Variants in LPP observed in about 807,000 individuals in gnomAD.
LPP encodes the protein lipoma-preferred partner.
LPP carries 38 observed loss-of-function variants against 60.4 expected under a neutral mutation model. The observed-to-expected ratio is 0.63, with a 90% CI of 0.49 to 0.83. LPP has a LOEUF of 0.83. LPP is among the 40% of genes least tolerant of loss of function. The probability of loss-of-function intolerance (pLI) is 0.00; values close to 1 mark genes in which losing one functional copy is unlikely to be tolerated. For missense variants in LPP, 902 were observed against 783.6 expected (o/e 1.15, Z -1.80); for synonymous variants, 328 against 290.8 (o/e 1.13, Z -1.30).
In LPP at chr3:188,882,542, A is replaced by G; in HGVS notation, c.*8063A>G. 4.5e-6 allele frequency: 1 copy of G among 223,264 alleles called. No individual in the cohort carries two copies. Among genetic ancestry groups the G allele is most frequent in the Non-Finnish European group, 8.9e-6 (1 of 111,856 alleles). The allele number at this position is 223,264 out of a possible 1,614,324, so 13.8% of individuals were successfully genotyped here. A position where few individuals can be genotyped will look rare whatever the true frequency, so the allele number is the denominator to read the frequency against. On this transcript the variant is annotated 3_prime_UTR_variant, in exon 12 of 12. Transcript: ENST00000617246. ...CCTCCATGAACTTTATTATCACAGA[A>G]TATGAGCATTCTTATTGATCCACAG...
At chr3:188,356,283 G>A (rs1210090025) in intron 3 of LPP, among the ~76,000 whole-genome samples, 2 of 152,084 alleles carry the variant, frequency 1.3e-5, no homozygotes, top group Non-Finnish European at 2.9e-5. Context: ...AGTTTCTTTC[G>A]GGAGGATTTT....
chr3:188,528,754 C>G (rs1022694888), intron 6 of LPP, among the ~76,000 whole-genome samples: 1 of 152,190 alleles, frequency 6.6e-6, no homozygotes, highest in African/African-American at 2.4e-5. Context: ...GTGAGCACAA[C>G]TGGACTTTGA....
chr3:188,387,618 G>C (rs182374101), intron 3 of LPP, among the ~76,000 whole-genome samples: 9 of 149,802 alleles, frequency 6.0e-5, no homozygotes, highest in Non-Finnish European at 1.5e-5. Flanking sequence ...CCATGCTGGA[G>C]TGCAGTGGCA....
At chr3:188,449,286 A>T (rs1336069878) in intron 4 of LPP, among the ~76,000 whole-genome samples, 1 of 152,000 alleles carries the variant, frequency 6.6e-6, no homozygotes, top group East Asian at 1.9e-4. Flanking sequence ...TTTTTGATTG[A>T]CTTTCTTTTT....
At chr3:188,281,678 G>A (rs1422477606) in intron 2 of LPP, among the ~76,000 whole-genome samples, 1 of 148,096 alleles carries the variant, frequency 6.8e-6, no homozygotes, top group Non-Finnish European at 1.5e-5. Context: ...GAAAATTTGT[G>A]ACCATTTTTG....
chr3:188,522,349 GCA>G (rs1207971937), intron 5 of LPP, among the ~76,000 whole-genome samples: 1 of 152,130 alleles, frequency 6.6e-6, no homozygotes, highest in East Asian at 1.9e-4. Context: ...GCGTGTGTGT[GCA>G]CACACAGATG....
intron 5 of LPP, among the ~76,000 whole-genome samples, chr3:188,490,794 G>C (rs577408188): frequency 3.8e-5 from 4 of 105,598 alleles, no homozygotes; most frequent in African/African-American, 1.5e-4. Context: ...TCGCTCTGTT[G>C]TCCAGGCTGG....
chr3:188,495,082 A>ATATATATATATATATATATATATATTTT, intron 5 of LPP, among the ~76,000 whole-genome samples: 1 of 97,270 alleles, frequency 1.0e-5, no homozygotes, highest in Non-Finnish European at 2.0e-5. Flanking sequence ...ATATATATAT[A>ATATATATATATATATATATATATATTTT]TTTTATTTAT....
intron 7 of LPP, among the ~76,000 whole-genome samples, chr3:188,679,584 C>T (rs147116925): frequency 2.0e-5 from 3 of 149,892 alleles, no homozygotes; most frequent in Non-Finnish European, 4.4e-5. Flanking sequence ...TGTTTAGTTG[C>T]TGTTGAAAAT....
chr3:188,566,498 C>G (rs962650691), intron 6 of LPP, among the ~76,000 whole-genome samples: 2 of 151,832 alleles, frequency 1.3e-5, no homozygotes, highest in African/African-American at 2.4e-5. Context: ...CCTAAGGACT[C>G]TATTCGATGA....
chr3:188,885,279 T>G lies in LPP; in HGVS notation c.*10800T>G, dbSNP rs1040119925. 1.0e-5 allele frequency: 2 copies of G among 199,148 alleles called. No individual in the cohort carries two copies. The highest frequency in any genetic ancestry group is 4.6e-5 in the African/African-American group (2 of 43,414). The allele number at this position is 199,148 out of a possible 1,614,324, so 12.3% of individuals were successfully genotyped here. On this transcript the variant is annotated 3_prime_UTR_variant, in exon 12 of 12. Coordinates refer to ENST00000617246, the MANE Select transcript of LPP (RefSeq NM_001375462.1). ...AAATAATCACACCTGATAAGTGTTT[T>G]ATGCATTTCCCTCCCTGGAGTGTTA...
rs1272876540 is a variant in LPP at position 188,352,624 on chromosome 3, T to C, written c.-10+10905T>C. 6.6e-6 allele frequency among the ~76,000 whole-genome samples: 1 copy of C among 152,208 alleles called. No homozygotes were observed. The highest frequency in any genetic ancestry group is 2.4e-5 in the African/African-American group (1 of 41,456). ...TGAGGCGCATTATGCGGAGGTGACT[T>C]GCTCAAGGCCACAGAGTGCATAGAG... On this transcript the variant is annotated intron_variant, in intron 3 of 11. Transcript: ENST00000617246. The surrounding 1 kb of genome is among the most constrained non-coding windows in gnomAD (Gnocchi z 4.4).
chr3:188,591,830 C>G (rs1411651748), intron 6 of LPP, among the ~76,000 whole-genome samples: 1 of 152,142 alleles, frequency 6.6e-6, no homozygotes, highest in Non-Finnish European at 1.5e-5. Flanking sequence ...TCTCTAATAT[C>G]AATTGTCTTG....
rs1344983947 is a variant in LPP at position 188,888,033 on chromosome 3, T to A, written c.*13554T>A. 2 of 215,960 alleles carry A rather than the reference T, an allele frequency of 9.3e-6. No homozygotes were observed. The highest frequency in any genetic ancestry group is 1.9e-5 in the Non-Finnish European group (2 of 107,194). 13.4% of individuals were successfully genotyped at this position (215,960 alleles called of 1,614,324 possible). On this transcript the variant is annotated 3_prime_UTR_variant, in exon 12 of 12. Coordinates refer to ENST00000617246, the MANE Select transcript of LPP (RefSeq NM_001375462.1). ...ATTTGGCATGTATAAAATTATCATG[T>A]GGCTTAATGTGCCTTAAGTGAAAAT...
intron 9 of LPP, among the ~76,000 whole-genome samples, chr3:188,839,916 G>C (rs1759502303): frequency 6.6e-6 from 1 of 152,054 alleles, no homozygotes; most frequent in Non-Finnish European, 1.5e-5. Context: ...ATTTAAAAAA[G>C]AGTAAGTTGC....
chr3:188,531,635 A>G (rs1822202074), intron 6 of LPP, among the ~76,000 whole-genome samples: 1 of 152,140 alleles, frequency 6.6e-6, no homozygotes, highest in African/African-American at 2.4e-5. Context: ...TCAGGTTGTT[A>G]AGCACATCTT....
intron 3 of LPP, among the ~76,000 whole-genome samples, chr3:188,404,420 T>C (rs1277422229): frequency 6.6e-6 from 1 of 152,166 alleles, no homozygotes; most frequent in Non-Finnish European, 1.5e-5. Context: ...AATTTTTTAA[T>C]TTTTTGTAGA....
chr3:188,734,607 T>G (rs1034965140), intron 8 of LPP, among the ~76,000 whole-genome samples: 6 of 152,194 alleles, frequency 3.9e-5, no homozygotes, highest in Non-Finnish European at 8.8e-5. Context: ...GGATTCAGTG[T>G]CCTAGGGGTG....
At chr3:188,455,076 G>A (rs1324090055) in intron 4 of LPP, among the ~76,000 whole-genome samples, 13 of 152,174 alleles carry the variant, frequency 8.5e-5, no homozygotes. Flanking sequence ...CAAGATCTGA[G>A]CTAGAATAGA....
Sources: allele counts gnomAD v4.1 joint callset (sites outside exome capture counted in the v4.1 genomes callset), GRCh38; gene constraint gnomAD v4.1.1; non-coding constraint Gnocchi (gnomAD v3.1); transcripts MANE v1.5; gene names NCBI Gene and HGNC (gene_info 2026-07-23, HGNC 2026-07-21).